MSI2: variants seen among roughly 807,000 people sequenced by gnomAD.
MSI2 encodes RNA-binding protein Musashi homolog 2.
A neutral mutation model predicts 45.6 loss-of-function variants in MSI2; 17 were observed. The observed-to-expected ratio is 0.37, with a 90% CI of 0.26 to 0.56. The LOEUF (loss-of-function observed/expected upper bound fraction) is 0.56. Ranked by LOEUF, MSI2 falls within the 20% of genes least tolerant of loss-of-function variation. The probability of loss-of-function intolerance (pLI) is 0.77; values close to 1 mark genes in which losing one functional copy is unlikely to be tolerated. For missense variants in MSI2, 293 were observed against 444.2 expected (o/e 0.66, Z 3.06); for synonymous variants, 156 against 158.2 (o/e 0.99, Z 0.11).
At chr17:57,561,641 G>A (rs575681494) in intron 7 of MSI2, among the ~76,000 whole-genome samples, 2 of 152,316 alleles carry the variant, frequency 1.3e-5, no homozygotes, top group African/African-American at 4.8e-5. Context: ...TGGGCCAGAA[G>A]TCCACAGGCA....
chr17:57,318,188 A>AGAAGGTGG (rs71139986), intron 5 of MSI2, among the ~76,000 whole-genome samples: 101 of 151,818 alleles, frequency 6.7e-4, no homozygotes, highest in African/African-American at 2.0e-3. Flanking sequence ...TGAGAAGGTG[A>AGAAGGTGG]GAAGGTGGGA....
chr17:57,455,611 G>A (rs952765525), intron 6 of MSI2, among the ~76,000 whole-genome samples: 4 of 152,130 alleles, frequency 2.6e-5, no homozygotes, highest in Admixed American at 6.6e-5. Context: ...TGTGTATAGC[G>A]AGTCCAAAAC....
At chr17:57,450,166 C>G (rs2084970859) in intron 6 of MSI2, 1 of 151,898 alleles carries the variant, frequency 6.6e-6, no homozygotes, top group African/African-American at 2.4e-5. Flanking sequence ...GGTTTTCTTT[C>G]CTTTCTTCAA....
chr17:57,638,895 C>T (rs1910038151), intron 10 of MSI2, among the ~76,000 whole-genome samples: 1 of 152,002 alleles, frequency 6.6e-6, no homozygotes, highest in Admixed American at 6.6e-5. Flanking sequence ...GAATGAGACC[C>T]TGTCTCAAAA....
At chr17:57,686,509 G>A (rs145252401), downstream of MSI2, among the ~76,000 whole-genome samples, 1 of 152,184 alleles carries the variant, frequency 6.6e-6, no homozygotes, top group East Asian at 1.9e-4. Context: ...ACCCGGTTAC[G>A]TGCTGTGTAT....
At chr17:57,291,815 G>A (rs1319143592) in intron 5 of MSI2, among the ~76,000 whole-genome samples, 1 of 152,008 alleles carries the variant, frequency 6.6e-6, no homozygotes, top group African/African-American at 2.4e-5. Context: ...AGTGAAGGAC[G>A]GGGGAGCTGG....
intron 7 of MSI2, among the ~76,000 whole-genome samples, chr17:57,540,814 G>A (rs573392992): frequency 3.5e-4 from 54 of 152,336 alleles, no homozygotes; most frequent in African/African-American, 1.3e-3. Context: ...AACTGAGACA[G>A]AATAAGTTTC....
At chr17:57,377,014 G>A (rs1427299513) in intron 5 of MSI2, among the ~76,000 whole-genome samples, 2 of 151,700 alleles carry the variant, frequency 1.3e-5, no homozygotes, top group East Asian at 1.9e-4. Flanking sequence ...TCCGCCTCCT[G>A]GGTTCATGCC....
chr17:57,601,245 C>T (rs1380531297), intron 8 of MSI2: 1 of 152,264 alleles, frequency 6.6e-6, no homozygotes, highest in Non-Finnish European at 1.5e-5. Flanking sequence ...CCTCTTCCTC[C>T]ACTGCCACAG....
Position 57,431,040 on chromosome 17 carries a change from C to T in MSI2, c.405+29569C>T, listed in dbSNP as rs539584914. Among the ~76,000 whole-genome samples, 268 of 152,322 alleles carry T rather than the reference C, an allele frequency of 1.8e-3. 1 individual carries two copies. Among genetic ancestry groups the T allele is most frequent in the African/African-American group, 6.0e-3 (251 of 41,580 alleles). ...GGCTGTAAAGCCTTTAACTGAGGAC[C>T]ACGTGTTTTATTCCACAATTGGGTG... On this transcript the variant is annotated intron_variant, in intron 6 of 13. Transcript: ENST00000284073.
At chr17:57,535,096 C>T (rs1017531866) in intron 7 of MSI2, among the ~76,000 whole-genome samples, 7 of 152,312 alleles carry the variant, frequency 4.6e-5, no homozygotes, top group Admixed American at 3.3e-4. Flanking sequence ...AGACAGCCAG[C>T]GGGAGGGAGG....
chr17:57,560,342 G>C (rs1260952525), intron 7 of MSI2, among the ~76,000 whole-genome samples: 1 of 152,160 alleles, frequency 6.6e-6, no homozygotes, highest in African/African-American at 2.4e-5. Flanking sequence ...CCTGGGATGG[G>C]GGACTTGCAG....
Position 57,407,283 on chromosome 17 carries a change from C to A in MSI2, c.405+5812C>A, listed in dbSNP as rs2084101649. 6.6e-6 allele frequency among the ~76,000 whole-genome samples: 1 copy of A among 152,108 alleles called. No homozygotes were observed. Among genetic ancestry groups the A allele is most frequent in the Non-Finnish European group, 1.5e-5 (1 of 68,020 alleles). On this transcript the variant is annotated intron_variant, in intron 6 of 13. Transcript: ENST00000284073. This position sits in a 1 kb window ranked among gnomAD's most constrained non-coding sequence, Gnocchi z 4.1. ...TGCGATCTCCCAGCTCCGGGGTTTTCTGTGCAGGTGCGAAGCTGCATTCAT... is the reference window on the plus strand; with the variant it reads ...TGCGATCTCCCAGCTCCGGGGTTTTATGTGCAGGTGCGAAGCTGCATTCAT...
chr17:57,425,362 G>A (rs563770149), intron 6 of MSI2, among the ~76,000 whole-genome samples: 1 of 152,304 alleles, frequency 6.6e-6, no homozygotes, highest in East Asian at 1.9e-4. Flanking sequence ...TAAGTAAACA[G>A]AGAACTAACA....
At chr17:57,641,992 A>G (rs867558285) in intron 10 of MSI2, among the ~76,000 whole-genome samples, 71 of 152,318 alleles carry the variant, frequency 4.7e-4, no homozygotes, top group African/African-American at 1.6e-3. Context: ...GAGCCCTTGT[A>G]ATGTGTCAGC....
At chr17:57,691,897 C>T in the MSI2 span, among the ~76,000 whole-genome samples, 1 of 152,076 alleles carries the variant, frequency 6.6e-6, no homozygotes, top group South Asian at 2.1e-4. Context: ...AGCAAATATC[C>T]CTGACTCATT....
intron 5 of MSI2, among the ~76,000 whole-genome samples, chr17:57,350,531 G>A (rs1218026226): frequency 6.6e-6 from 1 of 152,106 alleles, no homozygotes; most frequent in African/African-American, 2.4e-5. Flanking sequence ...TGGCCGTGGT[G>A]TGTTCCTCCC....
chr17:57,652,117 A>G lies in MSI2; in HGVS notation c.746A>G (p.Tyr249Cys). ...YQFPGFPAAA[Y>C]GPVAAAAVAA... ...TGACCAGGCTTCCCAGCAGCGGCTT[A>G]TGGACCAGTGGCAGCAGCGGCGGTG... The change falls in exon 11 of 14, where the codon TAT becomes TGT. Residue 249 changes from tyrosine (Y) to cysteine (C), a missense_variant. Coordinates refer to ENST00000284073, the MANE Select transcript of MSI2 (RefSeq NM_138962.4). This position sits in a 1 kb window ranked among gnomAD's most constrained non-coding sequence, Gnocchi z 4.1. 6.2e-7 allele frequency: 1 copy of G among 1,614,054 alleles called. No homozygotes were observed. Among genetic ancestry groups the G allele is most frequent in the Non-Finnish European group, 8.5e-7 (1 of 1,179,984 alleles).
chr17:57,312,039 A>G (rs1402870509), intron 5 of MSI2, among the ~76,000 whole-genome samples: 1 of 152,190 alleles, frequency 6.6e-6, no homozygotes, highest in Non-Finnish European at 1.5e-5. Flanking sequence ...GAGACAAGTC[A>G]TAGCACTCAA....
Sources: gnomAD v4.1 joint callset for allele counts (sites outside exome capture counted in the v4.1 genomes callset) on GRCh38, gnomAD v4.1.1 for gene constraint, Gnocchi (gnomAD v3.1) non-coding constraint, MANE v1.5 for transcripts, NCBI Gene and HGNC (gene_info 2026-07-23, HGNC 2026-07-21) for gene names.